The following PIK3C2G variants were observed in gnomAD, a reference collection of about 807,000 sequenced individuals.
The protein encoded by PIK3C2G is phosphatidylinositol 3-kinase C2 domain-containing subunit gamma.
Under a neutral mutation model 181.1 loss-of-function variants are expected in PIK3C2G, and 168 were observed. The observed-to-expected ratio is 0.93, with a 90% confidence interval of 0.82 to 1.05. PIK3C2G has a LOEUF of 1.05. Ranked by LOEUF, PIK3C2G falls within the 50% of genes least tolerant of loss-of-function variation. The pLI is 0.00. For missense variants in PIK3C2G, 1,869 were observed against 1,732.8 expected (o/e 1.08, Z -1.40); for synonymous variants, 573 against 592.2 (o/e 0.97, Z 0.47).
chr12:18,328,173 A>G (rs1951431159), intron 8 of PIK3C2G, among the ~76,000 whole-genome samples: 1 of 151,986 alleles, frequency 6.6e-6, no homozygotes, highest in African/African-American at 2.4e-5. Flanking sequence ...AATGTGGTTT[A>G]GCTTCATGAA....
At chr12:18,554,784 G>A (rs767312273) in intron 26 of PIK3C2G, among the ~76,000 whole-genome samples, 10 of 152,002 alleles carry the variant, frequency 6.6e-5, no homozygotes, top group Admixed American at 5.3e-4. Flanking sequence ...ATTCAATGCC[G>A]AACTACTGAT....
At chr12:18,585,544 T>G (rs1167718042) in intron 29 of PIK3C2G, among the ~76,000 whole-genome samples, 1 of 146,786 alleles carries the variant, frequency 6.8e-6, no homozygotes, top group Non-Finnish European at 1.5e-5. Flanking sequence ...CCCAGATTCA[T>G]GAAGCAAGTT....
Position 18,522,373 on chromosome 12 carries a change from A to C in PIK3C2G, c.3324-15783A>C, listed in dbSNP as rs564224726. The stretch of plus-strand genomic sequence containing the variant: ...TTCTCGTTTTCATTTGTTTTTTGTT[A>C]TTAATTAGCAGACTTTTATTTTAGC... On this transcript the variant is annotated intron_variant, in intron 24 of 32. Coordinates refer to ENST00000538779, the MANE Select transcript of PIK3C2G (RefSeq NM_001288772.2). 3.9e-5 allele frequency among the ~76,000 whole-genome samples: 6 copies of C among 152,050 alleles called. No individual in the cohort carries two copies. In the South Asian group the frequency reaches 1.2e-3, roughly 32 times the overall value.
intron 12 of PIK3C2G, among the ~76,000 whole-genome samples, chr12:18,370,901 C>A (rs1215608662): frequency 1.3e-5 from 2 of 152,124 alleles, no homozygotes; most frequent in Non-Finnish European, 2.9e-5. Context: ...TCTGTGCTTG[C>A]AACAGCTTAA....
At chr12:18,381,961 T>G (rs187023913) in intron 14 of PIK3C2G, 81 bp downstream of exon 14, 1 of 860,368 alleles carries the variant, frequency 1.2e-6, no homozygotes, top group East Asian at 2.4e-5. Flanking sequence ...TAGAAACAAT[T>G]TCTTCCAGGA....
At chr12:18,278,560 G>A (rs1176799122) in intron 1 of PIK3C2G, among the ~76,000 whole-genome samples, 2 of 152,142 alleles carry the variant, frequency 1.3e-5, no homozygotes, top group Non-Finnish European at 2.9e-5. Flanking sequence ...GGGAATATTT[G>A]AGGGGACACA....
downstream of PIK3C2G, among the ~76,000 whole-genome samples, chr12:18,652,049 T>C (rs1950542781): frequency 2.0e-5 from 3 of 152,178 alleles, no homozygotes; most frequent in South Asian, 6.2e-4. Flanking sequence ...GTTTTACGTA[T>C]AACTTTTAAA....
chr12:18,702,083 T>A, the PIK3C2G span, among the ~76,000 whole-genome samples: 537 of 152,218 alleles, frequency 3.5e-3, 5 homozygotes, highest in African/African-American at 0.012. Flanking sequence ...TATATATATA[T>A]AAATACTTAC....
At chr12:18,568,880 A>AT (rs1353416380) in intron 29 of PIK3C2G, among the ~76,000 whole-genome samples, 2 of 151,762 alleles carry the variant, frequency 1.3e-5, no homozygotes, top group Non-Finnish European at 2.9e-5. Flanking sequence ...TCTTCTTACT[A>AT]TTTTTTTTCA....
At chr12:18,283,805 C>T (rs1267447855) in intron 2 of PIK3C2G, among the ~76,000 whole-genome samples, 8 of 152,070 alleles carry the variant, frequency 5.3e-5, no homozygotes, top group Admixed American at 5.2e-4. Context: ...CCCTACTCAT[C>T]AAAACAACTA....
intron 18 of PIK3C2G, among the ~76,000 whole-genome samples, chr12:18,447,527 G>A (rs1231819957): frequency 6.6e-6 from 1 of 152,102 alleles, no homozygotes; most frequent in Non-Finnish European, 1.5e-5. Context: ...TTCATGTCAG[G>A]TGCCCCTTCA....
intron 21 of PIK3C2G, 35 bp from the exon 22 acceptor site, chr12:18,497,584 G>T: frequency 6.3e-7 from 1 of 1,577,954 alleles, no homozygotes; most frequent in Non-Finnish European, 8.6e-7. Context: ...CAAATTCAAG[G>T]AAAAACCCAG....
chr12:18,332,789 T>C (rs530320793), intron 8 of PIK3C2G, among the ~76,000 whole-genome samples: 4 of 152,236 alleles, frequency 2.6e-5, no homozygotes, highest in Admixed American at 6.5e-5. Flanking sequence ...TTGCTTCTTA[T>C]GCAAAAAGGA....
At chr12:18,415,589 T>C (rs1325504153) in intron 16 of PIK3C2G, among the ~76,000 whole-genome samples, 5 of 152,230 alleles carry the variant, frequency 3.3e-5, no homozygotes, top group Non-Finnish European at 5.9e-5. Context: ...GTCTTCCACT[T>C]TAAATCAAAA....
intron 18 of PIK3C2G, among the ~76,000 whole-genome samples, chr12:18,434,818 T>G (rs1946359347): frequency 2.0e-5 from 3 of 152,186 alleles, no homozygotes; most frequent in Admixed American, 2.0e-4. Context: ...TTAATTGGCT[T>G]TCTTTTCAAA....
At chr12:18,636,009 A>C (rs78998778) in intron 31 of PIK3C2G, among the ~76,000 whole-genome samples, 13,974 of 152,274 alleles carry the variant, frequency 0.092, 884 homozygotes, top group Non-Finnish European at 0.14. Flanking sequence ...TTTGAAGTTT[A>C]GTCAGCTTTA....
At chr12:18,726,694 A>G in the PIK3C2G span, among the ~76,000 whole-genome samples, 1 of 152,214 alleles carries the variant, frequency 6.6e-6, no homozygotes, top group Admixed American at 6.5e-5. Context: ...AATGTTATTT[A>G]AAATAATGTG....
chr12:18,411,032 T>G (rs1325659765), intron 16 of PIK3C2G, among the ~76,000 whole-genome samples: 4 of 152,296 alleles, frequency 2.6e-5, no homozygotes, highest in African/African-American at 9.6e-5. Flanking sequence ...TATCTCTGTA[T>G]GGCTTCCATG....
At chr12:18,436,843 C>T (rs1946476489) in intron 18 of PIK3C2G, among the ~76,000 whole-genome samples, 1 of 151,970 alleles carries the variant, frequency 6.6e-6, no homozygotes, top group South Asian at 2.1e-4. Flanking sequence ...TTACATTGAT[C>T]CCGTTCATAG....
Sources: allele counts gnomAD v4.1 joint callset (sites outside exome capture counted in the v4.1 genomes callset), GRCh38; gene constraint gnomAD v4.1.1; transcripts MANE v1.5; gene names NCBI Gene and HGNC (gene_info 2026-07-23, HGNC 2026-07-21).